MYO16: variants seen among roughly 807,000 people sequenced by gnomAD.
MYO16 encodes unconventional myosin-XVI.
In MYO16, 94 loss-of-function variants were observed where a neutral mutation model predicts 205.3. The ratio of observed to expected loss-of-function variants is 0.46; its 90% CI spans 0.39 to 0.54. The LOEUF is 0.54. Among genes scored for constraint, MYO16 ranks in the 20% least tolerant of loss-of-function variants. The pLI, the probability that MYO16 is intolerant of heterozygous loss-of-function variation, is 0.00. For missense variants in MYO16, 2,315 were observed against 2,387.5 expected (o/e 0.97, Z 0.63); for synonymous variants, 988 against 954.0 (o/e 1.04, Z -0.66).
At chr13:108,948,875 C>T (rs1032634375) in intron 16 of MYO16, among the ~76,000 whole-genome samples, 3 of 152,224 alleles carry the variant, frequency 2.0e-5, no homozygotes, top group African/African-American at 7.2e-5. Flanking sequence ...TTAGCACACA[C>T]ACCCACACTC....
chr13:109,153,411 A>AT (rs1877791925), intron 32 of MYO16, among the ~76,000 whole-genome samples: 1 of 151,946 alleles, frequency 6.6e-6, no homozygotes, highest in Non-Finnish European at 1.5e-5. Flanking sequence ...ATAGATATAG[A>AT]AAGGATAGAT....
intron 1 of MYO16, among the ~76,000 whole-genome samples, chr13:108,637,402 C>T (rs1223874824): frequency 2.0e-5 from 3 of 152,210 alleles, no homozygotes; most frequent in Non-Finnish European, 4.4e-5. Flanking sequence ...CTCAGTATCA[C>T]ATTAAAGATA....
chr13:108,666,023 C>T lies in MYO16; in HGVS notation c.166C>T (p.Arg56Cys), dbSNP rs768065230. ...RCEQIKAYYE[R>C]EKAFQKQEGF... The stretch of plus-strand genomic sequence containing the variant: ...TGAGCAAATCAAAGCCTACTATGAG[C>T]GCGAGAAGGCTTTTCAGAAGCAGGA... The change falls in exon 2 of 35, where the codon CGC becomes TGC. Residue 56 changes from arginine to cysteine, a missense_variant. This residue lies in a region of MYO16 where 1,213 missense variants were observed against 1,274.4 expected (regional missense o/e 0.95). Transcript: ENST00000457511. 13 of 1,613,964 alleles carry T rather than the reference C, an allele frequency of 8.1e-6. No homozygotes were observed. The highest frequency in any genetic ancestry group is 1.6e-4 in the Middle Eastern group (1 of 6,084).
chr13:108,796,664 A>G (rs1359697733), intron 6 of MYO16, among the ~76,000 whole-genome samples: 1 of 151,684 alleles, frequency 6.6e-6, no homozygotes, highest in African/African-American at 2.4e-5. Context: ...AACTATCGCA[A>G]GGACAAAAAA....
At chr13:109,078,321 A>G (rs1438215250) in intron 27 of MYO16, among the ~76,000 whole-genome samples, 1 of 151,844 alleles carries the variant, frequency 6.6e-6, no homozygotes, top group Non-Finnish European at 1.5e-5. Context: ...CACCTGTAGT[A>G]CCAGCTATTC....
At chr13:108,524,102 G>C in the MYO16 span, among the ~76,000 whole-genome samples, 4 of 151,530 alleles carry the variant, frequency 2.6e-5, no homozygotes, top group Non-Finnish European at 5.9e-5. Context: ...CTGGAAACCA[G>C]CCTGGGCAAC....
At chr13:108,691,599 C>T (rs911940944) in intron 2 of MYO16, among the ~76,000 whole-genome samples, 14 of 152,138 alleles carry the variant, frequency 9.2e-5, no homozygotes, top group African/African-American at 2.7e-4. Flanking sequence ...AGTACAGTTA[C>T]GGATCATAGC....
intron 23 of MYO16, among the ~76,000 whole-genome samples, chr13:109,033,101 A>C (rs886104275): frequency 6.6e-6 from 1 of 152,146 alleles, no homozygotes; most frequent in African/African-American, 2.4e-5. Flanking sequence ...TAGGGACATA[A>C]CACCATGGTT....
In MYO16 at chr13:109,139,195, C is replaced by T. The variant is rs562412112; in HGVS notation, c.4052-1069C>T. On this transcript the variant is annotated intron_variant, in intron 31 of 34. Transcript: ENST00000457511. Reference sequence around the variant, plus strand: ...GTCTCTATCTTTTGACCTCATGATCCGACTACCTCGGCTTCCCAAAGAGCT... The same window carrying T: ...GTCTCTATCTTTTGACCTCATGATCTGACTACCTCGGCTTCCCAAAGAGCT... 3.2e-4 allele frequency among the ~76,000 whole-genome samples: 48 copies of T among 152,254 alleles called. No homozygotes were observed. The South Asian group carries it at 3.7e-3, about 12-fold the overall frequency.
At chr13:108,702,261 T>G (rs1883338110) in intron 2 of MYO16, among the ~76,000 whole-genome samples, 1 of 152,116 alleles carries the variant, frequency 6.6e-6, no homozygotes, top group Non-Finnish European at 1.5e-5. Context: ...CAACATAAAC[T>G]GTGAAAAGCC....
At chr13:108,819,914 T>C (rs1430679632) in intron 7 of MYO16, among the ~76,000 whole-genome samples, 2 of 152,182 alleles carry the variant, frequency 1.3e-5, no homozygotes, top group African/African-American at 2.4e-5. Context: ...TTATGGCATA[T>C]AGTCTACACT....
chr13:109,066,632 C>T (rs1434870030), intron 27 of MYO16, among the ~76,000 whole-genome samples: 5 of 152,176 alleles, frequency 3.3e-5, no homozygotes, highest in African/African-American at 9.6e-5. Context: ...CAAGGATCTG[C>T]ACACTTTTTG....
chr13:108,893,574 CT>C (rs1401693973), intron 14 of MYO16, among the ~76,000 whole-genome samples: 1 of 151,936 alleles, frequency 6.6e-6, no homozygotes. Flanking sequence ...CTTGAACAGC[CT>C]TGATTTATGG....
chr13:108,922,662 C>T (rs998714669), intron 16 of MYO16, among the ~76,000 whole-genome samples: 7 of 152,276 alleles, frequency 4.6e-5, no homozygotes, highest in East Asian at 3.9e-4. Flanking sequence ...ACCAGACATA[C>T]GTCGTAGGAG....
At chr13:109,096,714 A>T (rs1456868512) in intron 27 of MYO16, among the ~76,000 whole-genome samples, 1 of 113,162 alleles carries the variant, frequency 8.8e-6, no homozygotes, top group Non-Finnish European at 1.9e-5. Flanking sequence ...GCTAGGAGAC[A>T]CCATAAAATG....
At chr13:108,530,389 G>T in the MYO16 span, among the ~76,000 whole-genome samples, 2 of 152,240 alleles carry the variant, frequency 1.3e-5, no homozygotes, top group South Asian at 4.1e-4. Flanking sequence ...TCAATGTTTG[G>T]TGTGACAGGA....
At chr13:109,116,903 T>G (rs1875717902) in intron 28 of MYO16, among the ~76,000 whole-genome samples, 1 of 152,116 alleles carries the variant, frequency 6.6e-6, no homozygotes, top group African/African-American at 2.4e-5. Context: ...TGTTCTCCAG[T>G]CCCCTGGTGG....
At chr13:109,171,868 A>G (rs1400672424) in intron 33 of MYO16, among the ~76,000 whole-genome samples, 4 of 152,214 alleles carry the variant, frequency 2.6e-5, no homozygotes, top group Admixed American at 1.3e-4. Flanking sequence ...TTGCATTTAC[A>G]TTTATCATTC....
intron 34 of MYO16, among the ~76,000 whole-genome samples, chr13:109,183,841 C>T (rs1185557145): frequency 2.6e-5 from 4 of 152,120 alleles, no homozygotes; most frequent in Non-Finnish European, 1.5e-5. Context: ...CTCACTCCTG[C>T]CATAGCTGCC....
Sources: gnomAD v4.1 joint callset for allele counts (sites outside exome capture counted in the v4.1 genomes callset) on GRCh38, gnomAD v4.1.1 for gene constraint, gnomAD v4.1.1 regional missense constraint, MANE v1.5 for transcripts, NCBI Gene and HGNC (gene_info 2026-07-23, HGNC 2026-07-21) for gene names.